FOXO1: variants seen among roughly 807,000 people sequenced by gnomAD.
The protein encoded by FOXO1 is forkhead box protein O1.
A neutral mutation model predicts 44.1 loss-of-function variants in FOXO1; 6 were observed. The ratio of observed to expected loss-of-function variants is 0.14; its 90% confidence interval spans 0.07 to 0.27. The LOEUF is 0.27. Ranked by LOEUF, FOXO1 falls within the 10% of genes least tolerant of loss-of-function variation. The pLI, the probability that FOXO1 is intolerant of heterozygous loss-of-function variation, is 1.00. For missense variants in FOXO1, 737 were observed against 888.8 expected (o/e 0.83, Z 2.17); for synonymous variants, 380 against 362.7 (o/e 1.05, Z -0.54).
chr13:40,665,464 C>T, intron 1 of FOXO1, 119 bp downstream of exon 1: 2 of 898,312 alleles, frequency 2.2e-6, no homozygotes, highest in Non-Finnish European at 3.0e-6. Flanking sequence ...TCTCGCCCGC[C>T]CTCCTGGGAA....
chr13:40,623,184 A>T (rs1344266266), intron 1 of FOXO1, among the ~76,000 whole-genome samples: 1 of 152,200 alleles, frequency 6.6e-6, no homozygotes, highest in African/African-American at 2.4e-5. Context: ...TCTAAAAAAT[A>T]ACACAGCCAT....
At chr13:40,573,162 T>G (rs532765752) in intron 1 of FOXO1, among the ~76,000 whole-genome samples, 1 of 152,208 alleles carries the variant, frequency 6.6e-6, no homozygotes, top group African/African-American at 2.4e-5. Context: ...TGCTGAGAGC[T>G]GCATGTTCAT....
intron 1 of FOXO1, among the ~76,000 whole-genome samples, chr13:40,643,246 G>A (rs1877408608): frequency 6.6e-6 from 1 of 151,780 alleles, no homozygotes. Context: ...GGACACTGAG[G>A]TGGGAGAATT....
chr13:40,585,343 G>GCGCACGCACA (rs10623475), intron 1 of FOXO1, among the ~76,000 whole-genome samples: 2 of 147,020 alleles, frequency 1.4e-5, no homozygotes, highest in African/African-American at 2.5e-5. Context: ...CTGCGCGCGC[G>GCGCACGCACA]CACACACACA....
chr13:40,564,074 A>C (rs1020502005), intron 1 of FOXO1, among the ~76,000 whole-genome samples: 2 of 152,182 alleles, frequency 1.3e-5, no homozygotes, highest in African/African-American at 4.8e-5. Context: ...GGGAAGAAAG[A>C]TCTTCCCAGA....
chr13:40,624,317 TAAAA>T (rs10552634), intron 1 of FOXO1, among the ~76,000 whole-genome samples: 1 of 100,990 alleles, frequency 9.9e-6, no homozygotes, highest in Non-Finnish European at 2.1e-5. Context: ...TAATACTGCT[TAAAA>T]AAAAAAAAAA....
intron 1 of FOXO1, among the ~76,000 whole-genome samples, chr13:40,604,841 T>C (rs1343964397): frequency 6.6e-6 from 1 of 152,194 alleles, no homozygotes; most frequent in Non-Finnish European, 1.5e-5. Context: ...GTAAAACAGC[T>C]ATATGTTAAC....
intron 1 of FOXO1, among the ~76,000 whole-genome samples, chr13:40,584,576 T>C (rs907410620): frequency 7.1e-6 from 1 of 140,924 alleles, no homozygotes; most frequent in Non-Finnish European, 1.5e-5. Flanking sequence ...TGAGCCCGGG[T>C]AGGTTGAGGC....
rs751360762 is a variant in FOXO1, at chr13:40,665,785, C to G, written c.428G>C (p.Gly143Ala). 7.9e-7 allele frequency: 1 copy of G among 1,265,560 alleles called. No individual in the cohort carries two copies. Among genetic ancestry groups the G allele is most frequent in the African/African-American group, 1.5e-5 (1 of 64,730 alleles). The allele number at this position is 1,265,560 out of a possible 1,614,324, so 78.4% of individuals were successfully genotyped here. ...CTTGCGCGGCTGCCCCGCGAGCGGC[C>G]CAGCGGCGGCGGGGGGCACCGGCGG... ...QHPPVPPAAAGPLAGQPRKSS... is the reference protein window; with the variant it reads ...QHPPVPPAAAAPLAGQPRKSS... Residue 143 changes from glycine to alanine, a missense_variant, in exon 1 of 3, where the codon GGG becomes GCG. This residue lies in a region of FOXO1 where 213 missense variants were observed against 236.4 expected (regional missense o/e 0.90). Coordinates refer to ENST00000379561, the MANE Select transcript of FOXO1 (RefSeq NM_002015.4).
chr13:40,602,474 G>C (rs541255814), intron 1 of FOXO1, among the ~76,000 whole-genome samples: 5 of 152,296 alleles, frequency 3.3e-5, no homozygotes, highest in Admixed American at 2.6e-4. Flanking sequence ...CGATCCCTTA[G>C]GGGATTAAAT....
chr13:40,665,811 G>C lies in FOXO1; in HGVS notation c.402C>G (p.His134Gln). ...CAGCGGCGGCGGGGGGCACCGGCGG[G>C]TGCTGCGACAGCGGCCCGGGCGGCG... ...QPPPPGPLSQ[H>Q]PPVPPAAAGP... is the part of the protein sequence containing the mutation. Residue 134 changes from histidine (H) to glutamine (Q), a missense_variant, in exon 1 of 3, where the codon CAC becomes CAG. Physicochemically the swap from His to Gln is conservative, Grantham distance 24. Around this residue, in one of 7 missense-constraint regions of FOXO1, gnomAD observed 213 missense variants for 236.4 expected, o/e 0.90. Coordinates refer to ENST00000379561, the MANE Select transcript of FOXO1 (RefSeq NM_002015.4). 8.2e-7 allele frequency: 1 copy of C among 1,220,024 alleles called. No individual in the cohort carries two copies. The highest frequency in any genetic ancestry group is 1.6e-5 in the African/African-American group (1 of 63,260). 75.6% of individuals were successfully genotyped at this position (1,220,024 alleles called of 1,614,324 possible).
chr13:40,578,775 T>C (rs1874853925), intron 1 of FOXO1, among the ~76,000 whole-genome samples: 1 of 152,222 alleles, frequency 6.6e-6, no homozygotes, highest in African/African-American at 2.4e-5. Context: ...TTTAGAGCCT[T>C]GAGTACACAA....
At position 40,620,798 on chromosome 13, in the gene FOXO1, G is replaced by GATT. The variant is rs762814974; in HGVS notation, c.630+44784_630+44785insAAT. ...CTGGAAAACTACTATTCTTCCCCTT[G>GATT]CTTTTTTTTTTTTTTTTTGAGATGG... On this transcript the variant is annotated intron_variant, in intron 1 of 2. Transcript: ENST00000379561. Among the ~76,000 whole-genome samples, 48 of 105,516 alleles carry GATT rather than the reference G, an allele frequency of 4.5e-4. 1 individual carries two copies. In the East Asian group the frequency reaches 7.3e-3, roughly 16 times the overall value. 69.2% of individuals were successfully genotyped at this position (105,516 alleles called of 152,430 possible). A position where few individuals can be genotyped will look rare whatever the true frequency, so the allele number is the denominator to read the frequency against.
chr13:40,661,186 T>C (rs977496303), intron 1 of FOXO1, among the ~76,000 whole-genome samples: 1 of 152,208 alleles, frequency 6.6e-6, no homozygotes, highest in Non-Finnish European at 1.5e-5. Flanking sequence ...CTTAATAAGA[T>C]GCTACATTTA....
At chr13:40,616,109 C>T (rs1249326920) in intron 1 of FOXO1, among the ~76,000 whole-genome samples, 2 of 152,134 alleles carry the variant, frequency 1.3e-5, no homozygotes, top group South Asian at 4.1e-4. Flanking sequence ...ATAAAGATGA[C>T]AGCACTGCTG....
chr13:40,663,510 CA>C (rs1301482761), intron 1 of FOXO1, among the ~76,000 whole-genome samples: 1 of 150,252 alleles, frequency 6.7e-6, no homozygotes, highest in Non-Finnish European at 1.5e-5. Flanking sequence ...ACTTTGAATG[CA>C]AAAAAAGGGG....
In FOXO1 at chr13:40,588,007, A is replaced by G. The variant is rs367922163; in HGVS notation, c.631-27147T>C. 2.0e-5 allele frequency among the ~76,000 whole-genome samples: 3 copies of G among 152,322 alleles called. No individual in the cohort carries two copies. The East Asian group carries it at 5.8e-4, about 29-fold the overall frequency. On this transcript the variant is annotated intron_variant, in intron 1 of 2. Transcript: ENST00000379561. Reference sequence around the variant, plus strand: ...CGGCACTTTTCAAATTGCATAACACAGAGTACAGAGCACTACTGCATTATG... The same window carrying G: ...CGGCACTTTTCAAATTGCATAACACGGAGTACAGAGCACTACTGCATTATG...
intron 1 of FOXO1, among the ~76,000 whole-genome samples, chr13:40,638,545 A>T (rs916046875): frequency 6.6e-6 from 1 of 152,204 alleles, no homozygotes; most frequent in African/African-American, 2.4e-5. Flanking sequence ...TGGGGGCGAG[A>T]GACTAACTCA....
At chr13:40,643,302 A>T (rs1448532089) in intron 1 of FOXO1, among the ~76,000 whole-genome samples, 1 of 151,334 alleles carries the variant, frequency 6.6e-6, no homozygotes, top group East Asian at 1.9e-4. Context: ...AGATCGCTCC[A>T]CTGTACTCCA....
Sources: gnomAD v4.1 joint callset for allele counts (sites outside exome capture counted in the v4.1 genomes callset) on GRCh38, gnomAD v4.1.1 for gene constraint, gnomAD v4.1.1 regional missense constraint, MANE v1.5 for transcripts, NCBI Gene and HGNC (gene_info 2026-07-23, HGNC 2026-07-21) for gene names.